Variants in GABRP observed in about 807,000 individuals in gnomAD.
GABRP encodes gamma-aminobutyric acid receptor subunit pi.
In GABRP, 52 loss-of-function variants were observed where a neutral mutation model predicts 47.8. That is an observed-to-expected ratio of 1.09 (90% CI 0.87 to 1.37). The LOEUF is 1.37. GABRP is among the 40% of genes most tolerant of loss of function. The probability of loss-of-function intolerance (pLI) is 0.00; values close to 1 mark genes in which losing one functional copy is unlikely to be tolerated. For missense variants in GABRP, 525 were observed against 542.8 expected (o/e 0.97, Z 0.33); for synonymous variants, 221 against 205.8 (o/e 1.07, Z -0.63).
chr5:170,803,872 G>A (rs1765658394), intron 6 of GABRP, among the ~76,000 whole-genome samples: 1 of 152,092 alleles, frequency 6.6e-6, no homozygotes, highest in African/African-American at 2.4e-5. Flanking sequence ...CGCCTCCCAG[G>A]TGCAAGTGAT....
chr5:170,789,016 TG>T, intron 2 of GABRP, 112 bp from the exon 3 acceptor site: 1 of 779,052 alleles, frequency 1.3e-6, no homozygotes, highest in Non-Finnish European at 2.2e-6. Context: ...TGCTGGTACA[TG>T]GGCAAGGCAC....
Position 170,812,257 on chromosome 5 carries a change from G to C in GABRP, c.1322G>C (p.Ter441SerextTer36), listed in dbSNP as rs1765911793. The change falls in exon 10 of 10, where the codon TGA becomes TCA. Residue 441 changes from the stop codon to serine (S), a stop_lost. Transcript: ENST00000265294. ...TACTGGGCATACTACATGTATTTTT[G>C]AGTCAATGTTAAATTTCTTGCATGC... ...VFYWAYYMYF[*>S] The C allele has an allele frequency of 6.2e-7, 1 of 1,607,580 alleles. No individual in the cohort carries two copies. Among genetic ancestry groups the C allele is most frequent in the African/African-American group, 1.3e-5 (1 of 74,736 alleles).
At chr5:170,807,742 AC>A (rs1399498739) in intron 7 of GABRP, among the ~76,000 whole-genome samples, 1 of 152,136 alleles carries the variant, frequency 6.6e-6, no homozygotes, top group Non-Finnish European at 1.5e-5. Context: ...TTTATTCTAT[AC>A]TATATTTATC....
chr5:170,811,215 G>A (rs1031089116), intron 9 of GABRP, among the ~76,000 whole-genome samples: 1 of 147,810 alleles, frequency 6.8e-6, no homozygotes, highest in African/African-American at 2.5e-5. Context: ...GATAATAATG[G>A]TACTCATTTC....
At chr5:170,788,800 G>A (rs553927610) in intron 2 of GABRP, 132 bp downstream of exon 2, 109 of 822,002 alleles carry the variant, frequency 1.3e-4, no homozygotes, top group Non-Finnish European at 1.9e-4. Flanking sequence ...CTGGAGCACC[G>A]AACAATGAAA....
At chr5:170,790,184 T>G (rs1008474114) in intron 3 of GABRP, among the ~76,000 whole-genome samples, 9 of 151,834 alleles carry the variant, frequency 5.9e-5, no homozygotes, top group African/African-American at 1.9e-4. Flanking sequence ...AGGGAGGGAG[T>G]GAGGCCAACT....
In GABRP at chr5:170,797,893, G is replaced by T. The variant is rs377623033; in HGVS notation, c.541+345G>T. Among the ~76,000 whole-genome samples, 12 of 152,346 alleles carry T rather than the reference G, an allele frequency of 7.9e-5. 1 individual carries two copies. In the South Asian group the frequency reaches 2.5e-3, roughly 32 times the overall value. On this transcript the variant is annotated intron_variant, in intron 6 of 9. Transcript: ENST00000265294. Reference sequence around the variant, plus strand: ...CCCATCACCTGTTTCTGCTAAGGAAGTTTTACTGACACACAGTCGTGCCCA... The same window carrying T: ...CCCATCACCTGTTTCTGCTAAGGAATTTTTACTGACACACAGTCGTGCCCA...
Position 170,797,554 on chromosome 5 carries a change from T to A in GABRP, c.541+6T>A. On this transcript the variant is annotated splice_donor_region_variant and intron_variant, in intron 6 of 9. Transcript: ENST00000265294. The stretch of plus-strand genomic sequence containing the variant: ...CAAGTTGCAGCTGGAAAGCTGTAAG[T>A]ATACATCCTACAGGCTCCTGAGATG... The A allele has an allele frequency of 1.3e-6, 2 of 1,571,458 alleles. No homozygotes were observed. The highest frequency in any genetic ancestry group is 1.8e-6 in the Non-Finnish European group (2 of 1,141,398).
chr5:170,812,155 C>T lies in GABRP; in HGVS notation c.1220C>T (p.Thr407Ile), dbSNP rs200667407. 1.8e-5 allele frequency: 29 copies of T among 1,614,044 alleles called. No homozygotes were observed. In the East Asian group the frequency reaches 6.5e-4, roughly 36 times the overall value. Residue 407 changes from threonine to isoleucine, a missense_variant, in exon 10 of 10, where the codon ACA becomes ATA. Thr to Ile is a moderately conservative substitution (Grantham distance 89, BLOSUM62 -1). Transcript: ENST00000265294. ...ATGGGCAGGATTGTTGATTATTTCA[C>T]AATTCAAAACCCCAGTAATGTTGAT... ...EKMGRIVDYF[T>I]IQNPSNVDHY...
chr5:170,800,640 T>C (rs1054620604), intron 6 of GABRP, among the ~76,000 whole-genome samples: 1 of 152,084 alleles, frequency 6.6e-6, no homozygotes, highest in Admixed American at 6.6e-5. Flanking sequence ...TTAACAATAA[T>C]AGTAATAATA....
chr5:170,810,926 C>A (rs1397180882), intron 9 of GABRP, among the ~76,000 whole-genome samples: 1 of 151,692 alleles, frequency 6.6e-6, no homozygotes, highest in African/African-American at 2.4e-5. Flanking sequence ...GTTGAGTTAC[C>A]TCCTCATCCC....
rs149935911 is a variant in GABRP at position 170,795,239 on chromosome 5, G to A, written c.272G>A (p.Arg91His). The A allele has an allele frequency of 8.4e-5, 135 of 1,613,308 alleles. 1 individual carries two copies. In the African/African-American group the frequency reaches 1.0e-3, roughly 12 times the overall value. Residue 91 changes from arginine to histidine, a missense_variant, in exon 5 of 10, where the codon CGC (arginine) becomes CAC (histidine). Arg to His is a conservative substitution (Grantham distance 29). Coordinates refer to ENST00000265294, the MANE Select transcript of GABRP (RefSeq NM_014211.3). ...ACAGCCACCATATACCTCCGACAGC[G>A]CTGGATGGACCAGCGGCTGGTGTTT... ...DYTATIYLRQ[R>H]WMDQRLVFEG...
intron 9 of GABRP, among the ~76,000 whole-genome samples, chr5:170,810,767 C>T (rs1316592620): frequency 6.6e-6 from 1 of 152,136 alleles, no homozygotes; most frequent in African/African-American, 2.4e-5. Flanking sequence ...GATCCAGTTG[C>T]TTTTTCCCTT....
At position 170,794,263 on chromosome 5, in the gene GABRP, A is replaced by G. The variant is rs1029282249; in HGVS notation, c.205A>G (p.Ile69Val). Residue 69 changes from isoleucine to valine, a missense_variant, in exon 4 of 10, where the codon ATT (isoleucine) becomes GTT (valine). Physicochemically the swap from Ile to Val is conservative, Grantham distance 29. Coordinates refer to ENST00000265294, the MANE Select transcript of GABRP (RefSeq NM_014211.3). ...CGTACAGATAGCGCTGACTCTGGAC[A>G]TTGCAAGTATCTCTAGCATTTCAGA... ...EPVQIALTLD[I>V]ASISSISESN... The G allele has an allele frequency of 1.9e-6, 3 of 1,612,064 alleles. No homozygotes were observed. The highest frequency in any genetic ancestry group is 1.3e-5 in the African/African-American group (1 of 74,532).
chr5:170,798,399 A>T (rs552613860), intron 6 of GABRP, among the ~76,000 whole-genome samples: 25 of 152,342 alleles, frequency 1.6e-4, no homozygotes, highest in Non-Finnish European at 3.2e-4. Flanking sequence ...TCCAAGAAGG[A>T]GTGGTAGCAC....
In GABRP at chr5:170,794,643, C is replaced by A. The variant is rs11959443; in HGVS notation, c.240+345C>A. Among the ~76,000 whole-genome samples, 4 of 152,172 alleles carry A rather than the reference C, an allele frequency of 2.6e-5. No homozygotes were observed. The East Asian group carries it at 7.7e-4, about 29-fold the overall frequency. On this transcript the variant is annotated intron_variant, in intron 4 of 9. Transcript: ENST00000265294. Reference sequence around the variant, plus strand: ...GGGAAAGGAATGAAAGTGTAGTAGGCAAGCCTGGCCATTACATGGTCTTTT... The same window carrying A: ...GGGAAAGGAATGAAAGTGTAGTAGGAAAGCCTGGCCATTACATGGTCTTTT...
chr5:170,783,504 TG>T (rs1765055089), upstream of GABRP, among the ~76,000 whole-genome samples: 1 of 151,662 alleles, frequency 6.6e-6, no homozygotes, highest in African/African-American at 2.4e-5. Context: ...GGGTCTTTTC[TG>T]GCAGAGGTCT....
chr5:170,797,102 G>C (rs775406412), intron 5 of GABRP, among the ~76,000 whole-genome samples: 1 of 152,250 alleles, frequency 6.6e-6, no homozygotes, highest in Non-Finnish European at 1.5e-5. Flanking sequence ...CTGTCAAGTG[G>C]TGACGATAGT....
chr5:170,799,285 T>G (rs1464151775), intron 6 of GABRP, among the ~76,000 whole-genome samples: 2 of 152,188 alleles, frequency 1.3e-5, no homozygotes, highest in Admixed American at 1.3e-4. Flanking sequence ...TATTCCTTTG[T>G]GTATATACCC....
Sources: allele counts gnomAD v4.1 joint callset (sites outside exome capture counted in the v4.1 genomes callset), GRCh38; gene constraint gnomAD v4.1.1; transcripts MANE v1.5; gene names NCBI Gene and HGNC (gene_info 2026-07-23, HGNC 2026-07-21).